ATRNL1: variants seen among roughly 807,000 people sequenced by gnomAD.
The protein encoded by ATRNL1 is attractin-like protein 1.
A neutral mutation model predicts 182.7 loss-of-function variants in ATRNL1; 95 were observed. That is an observed-to-expected ratio of 0.52 (90% CI 0.44 to 0.62). The LOEUF (loss-of-function observed/expected upper bound fraction) is 0.62. Ranked by LOEUF, ATRNL1 falls within the 20% of genes least tolerant of loss-of-function variation. ATRNL1 has a pLI of 0.00. For synonymous variants in ATRNL1, 576 were observed against 568.3 expected (o/e 1.01, Z -0.19); for missense variants, 1,471 against 1,679.5 (o/e 0.88, Z 2.17).
At chr10:115,288,947 G>A (rs2133945517) in intron 15 of ATRNL1, among the ~76,000 whole-genome samples, 1 of 152,240 alleles carries the variant, frequency 6.6e-6, no homozygotes, top group Non-Finnish European at 1.5e-5. Context: ...CCTATCAAAT[G>A]AATAGTTTAC....
At chr10:115,311,861 T>G (rs1198800434) in intron 17 of ATRNL1, among the ~76,000 whole-genome samples, 1 of 152,072 alleles carries the variant, frequency 6.6e-6, no homozygotes, top group Non-Finnish European at 1.5e-5. Context: ...TATAATGAAC[T>G]TCTTTTTTTT....
chr10:115,670,403 A>G (rs1344920520), intron 26 of ATRNL1, among the ~76,000 whole-genome samples: 1 of 152,130 alleles, frequency 6.6e-6, no homozygotes, highest in Non-Finnish European at 1.5e-5. Flanking sequence ...AAAGAATGCA[A>G]TGGATCCTTT....
chr10:115,293,269 G>C (rs1246482635), intron 15 of ATRNL1, among the ~76,000 whole-genome samples: 1 of 151,860 alleles, frequency 6.6e-6, no homozygotes, highest in East Asian at 1.9e-4. Flanking sequence ...GTTTCTCTTA[G>C]GCAGCATATT....
intron 5 of ATRNL1, among the ~76,000 whole-genome samples, chr10:115,150,887 C>T (rs1043601036): frequency 7.2e-5 from 11 of 152,238 alleles, no homozygotes; most frequent in Admixed American, 1.3e-4. Flanking sequence ...CCCCACCCCA[C>T]GACAGGCCTT....
intron 26 of ATRNL1, among the ~76,000 whole-genome samples, chr10:115,594,570 G>A (rs930509227): frequency 2.6e-5 from 4 of 152,126 alleles, no homozygotes; most frequent in African/African-American, 4.8e-5. Flanking sequence ...GCAGTGGCGC[G>A]ATCGTGGCTC....
chr10:115,577,610 TTGTG>T (rs3981280), intron 26 of ATRNL1, among the ~76,000 whole-genome samples: 5,666 of 135,038 alleles, frequency 0.042, 167 homozygotes, highest in East Asian at 0.081. Context: ...TTCTAACAGG[TTGTG>T]TGTGTGTGTG....
At chr10:115,731,071 G>T (rs1272075037) in intron 27 of ATRNL1, among the ~76,000 whole-genome samples, 1 of 152,118 alleles carries the variant, frequency 6.6e-6, no homozygotes, top group Non-Finnish European at 1.5e-5. Context: ...ATAAGGGTGG[G>T]CCTGCCTTTC....
Position 115,120,199 on chromosome 10 carries a change from C to T in ATRNL1, c.308C>T (p.Ser103Phe), listed in dbSNP as rs782265976. ...CQGRFKLTEP[S>F]GYLTDGPINY... is the part of the protein sequence containing the mutation. ...TTCTCTTCCAGGTTAACAGAACCTT[C>T]TGGATATTTAACAGATGGCCCAATT... Residue 103 changes from serine (S) to phenylalanine (F), a missense_variant, in exon 2 of 29, where the codon TCT becomes TTT. This residue lies in a region of ATRNL1 where 1,031 missense variants were observed against 1,156.0 expected (regional missense o/e 0.89). Transcript: ENST00000355044. 4.0e-5 allele frequency: 62 copies of T among 1,556,014 alleles called. No individual in the cohort carries two copies. The highest frequency in any genetic ancestry group is 5.4e-5 in the Non-Finnish European group (61 of 1,132,368).
At chr10:115,638,463 A>G (rs1421871261) in intron 26 of ATRNL1, among the ~76,000 whole-genome samples, 8 of 152,198 alleles carry the variant, frequency 5.3e-5, no homozygotes, top group Admixed American at 1.3e-4. Context: ...AAGAAGCCAG[A>G]CACAAAAGGC....
chr10:115,124,073 A>C (rs182082294), intron 3 of ATRNL1, among the ~76,000 whole-genome samples: 158 of 152,196 alleles, frequency 1.0e-3, no homozygotes, highest in Non-Finnish European at 1.9e-3. Context: ...TAATAAATGT[A>C]ATATGCTTGA....
At chr10:115,509,495 G>A (rs12354843) in intron 24 of ATRNL1, among the ~76,000 whole-genome samples, 59,574 of 151,722 alleles carry the variant, frequency 0.39, 12,638 homozygotes, top group Middle Eastern at 0.49. Flanking sequence ...GTTCTTGAGA[G>A]ATCTGGTTGT....
At chr10:115,802,021 AACACAC>A (rs60513803) in intron 27 of ATRNL1, among the ~76,000 whole-genome samples, 5 of 125,964 alleles carry the variant, frequency 4.0e-5, no homozygotes, top group African/African-American at 5.7e-5. Context: ...AAAAAAAAGA[AACACAC>A]ACACACACAC....
intron 8 of ATRNL1, among the ~76,000 whole-genome samples, chr10:115,195,217 A>G (rs1848315097): frequency 6.6e-6 from 1 of 151,852 alleles, no homozygotes; most frequent in Admixed American, 6.6e-5. Flanking sequence ...CCTTTAGATG[A>G]TTTCCTGTTG....
chr10:115,708,253 A>G (rs1454940640), intron 26 of ATRNL1, among the ~76,000 whole-genome samples: 1 of 151,586 alleles, frequency 6.6e-6, no homozygotes, highest in African/African-American at 2.4e-5. Flanking sequence ...AGTGTTGTCA[A>G]TACTGTAATA....
chr10:115,588,078 C>G (rs989620026), intron 26 of ATRNL1, among the ~76,000 whole-genome samples: 2 of 151,986 alleles, frequency 1.3e-5, no homozygotes, highest in Non-Finnish European at 2.9e-5. Context: ...GGAAGTTTTC[C>G]TTTCTTTTTT....
At chr10:115,596,413 A>T (rs1388953353) in intron 26 of ATRNL1, among the ~76,000 whole-genome samples, 1 of 152,170 alleles carries the variant, frequency 6.6e-6, no homozygotes, top group Non-Finnish European at 1.5e-5. Context: ...GCCCGTCATT[A>T]TTCTCATTTG....
chr10:115,722,735 A>T (rs1947469064), intron 26 of ATRNL1, among the ~76,000 whole-genome samples: 1 of 152,138 alleles, frequency 6.6e-6, no homozygotes, highest in African/African-American at 2.4e-5. Flanking sequence ...ATATTAATGC[A>T]TTGTGATGAC....
intron 27 of ATRNL1, among the ~76,000 whole-genome samples, chr10:115,813,251 A>T (rs2134261830): frequency 6.6e-6 from 1 of 152,248 alleles, no homozygotes; most frequent in Non-Finnish European, 1.5e-5. Context: ...AAATTAAATT[A>T]AATTTTTAAA....
intron 5 of ATRNL1, among the ~76,000 whole-genome samples, chr10:115,157,814 T>C (rs1846594958): frequency 6.6e-6 from 1 of 152,124 alleles, no homozygotes; most frequent in African/African-American, 2.4e-5. Flanking sequence ...CTTTGAGGGC[T>C]ATTATTCAGT....
Sources: allele counts gnomAD v4.1 joint callset (sites outside exome capture counted in the v4.1 genomes callset), GRCh38; gene constraint gnomAD v4.1.1; regional missense constraint gnomAD v4.1.1; transcripts MANE v1.5; gene names NCBI Gene and HGNC (gene_info 2026-07-23, HGNC 2026-07-21).